MALRD1: variants seen among roughly 807,000 people sequenced by gnomAD.
MALRD1 encodes the protein MAM and LDL-receptor class A domain-containing protein 1.
MALRD1 carries 247 observed loss-of-function variants against 242.1 expected under a neutral mutation model. That is an observed-to-expected ratio of 1.02 (90% CI 0.92 to 1.13). MALRD1 has a LOEUF of 1.13. Among genes scored for constraint, MALRD1 ranks in the 50% most tolerant of loss-of-function variants. MALRD1 has a pLI of 0.00. For missense variants in MALRD1, 2,989 were observed against 2,533.1 expected (o/e 1.18, Z -3.86); for synonymous variants, 995 against 866.6 (o/e 1.15, Z -2.60).
At chr10:19,571,928 C>T (rs1000379413) in intron 33 of MALRD1, among the ~76,000 whole-genome samples, 5 of 152,212 alleles carry the variant, frequency 3.3e-5, no homozygotes, top group African/African-American at 9.6e-5. Context: ...TAACATCCTA[C>T]GATGAAAAAT....
chr10:19,055,664 C>T (rs934113078), intron 1 of MALRD1, among the ~76,000 whole-genome samples: 2 of 152,192 alleles, frequency 1.3e-5, no homozygotes. Context: ...AGGAGACCCT[C>T]CTTTCTCCCT....
intron 28 of MALRD1, among the ~76,000 whole-genome samples, chr10:19,408,551 T>C (rs969508783): frequency 1.3e-5 from 2 of 152,128 alleles, no homozygotes; most frequent in African/African-American, 2.4e-5. Flanking sequence ...AAGAAAATCA[T>C]ACATTAGTGA....
At chr10:19,669,198 G>C (rs1488383812) in intron 36 of MALRD1, among the ~76,000 whole-genome samples, 1 of 152,338 alleles carries the variant, frequency 6.6e-6, no homozygotes, top group East Asian at 1.9e-4. Context: ...CTAGAAGCTA[G>C]AAGTTAATGG....
rs549701941 is a variant in MALRD1 at position 19,478,466 on chromosome 10, C to T, written c.5030-13051C>T. On this transcript the variant is annotated intron_variant, in intron 29 of 39. Transcript: ENST00000454679. ...AGAAAATATTAATTAAGACTAAACACACAACGTATCTCATCAATCATGGTT... is the reference window on the plus strand; with the variant it reads ...AGAAAATATTAATTAAGACTAAACATACAACGTATCTCATCAATCATGGTT... Among the ~76,000 whole-genome samples the T allele has an allele frequency of 1.7e-3, 266 of 152,272 alleles. 2 individuals are homozygous for T. Among genetic ancestry groups the T allele is most frequent in the African/African-American group, 6.3e-3 (263 of 41,550 alleles).
At chr10:19,421,095 T>A (rs187687350) in intron 28 of MALRD1, among the ~76,000 whole-genome samples, 8 of 152,142 alleles carry the variant, frequency 5.3e-5, no homozygotes, top group African/African-American at 1.9e-4. Context: ...ATGGGAGAGA[T>A]CTTGCTCTGT....
chr10:19,246,610 A>G (rs1403721841), intron 18 of MALRD1, among the ~76,000 whole-genome samples: 1 of 152,140 alleles, frequency 6.6e-6, no homozygotes, highest in Non-Finnish European at 1.5e-5. Flanking sequence ...TCAGAGTACA[A>G]GAACAAAAAA....
At chr10:19,225,786 T>C (rs575622945) in intron 18 of MALRD1, among the ~76,000 whole-genome samples, 11 of 152,314 alleles carry the variant, frequency 7.2e-5, no homozygotes, top group Admixed American at 3.3e-4. Flanking sequence ...CTTTTTATTA[T>C]CATGTGCAGT....
rs1457386203 is a variant in MALRD1, at chr10:19,204,368, G to A, written c.2165G>A (p.Ser722Asn). Residue 722 changes from serine to asparagine, a missense_variant, in exon 16 of 40, where the codon AGC (serine) becomes AAC (asparagine). Coordinates refer to ENST00000454679, the MANE Select transcript of MALRD1 (RefSeq NM_001142308.3). ...TTGTGGCAAGTTGCTAAGCTTCAGA[G>A]CCCAACTTTCAGCCAGACAGGACCT... is the stretch of plus-strand genomic sequence containing the variant. Reference protein sequence around the residue: ...SSLWQVAKLQSPTFSQTGPGC... With the variant: ...SSLWQVAKLQNPTFSQTGPGC... 3.9e-6 allele frequency: 6 copies of A among 1,547,516 alleles called. No homozygotes were observed. In the Admixed American group the frequency reaches 9.8e-5, roughly 25 times the overall value.
intron 36 of MALRD1, among the ~76,000 whole-genome samples, chr10:19,666,638 A>T (rs1841695542): frequency 6.6e-6 from 1 of 152,118 alleles, no homozygotes; most frequent in African/African-American, 2.4e-5. Context: ...AATCATGTTT[A>T]TTGGGAAAAA....
chr10:19,134,156 C>G (rs527686401), intron 9 of MALRD1, among the ~76,000 whole-genome samples: 1 of 152,244 alleles, frequency 6.6e-6, no homozygotes, highest in South Asian at 2.1e-4. Context: ...TTGAGTGTCT[C>G]CACTCTCGTT....
intron 24 of MALRD1, among the ~76,000 whole-genome samples, chr10:19,340,625 A>T (rs1215491180): frequency 6.6e-6 from 1 of 152,172 alleles, no homozygotes; most frequent in Non-Finnish European, 1.5e-5. Flanking sequence ...TACTCTGCAT[A>T]GACTGGGAGG....
At chr10:19,711,122 T>A (rs1834091555) in intron 38 of MALRD1, 1 of 152,248 alleles carries the variant, frequency 6.6e-6, no homozygotes, top group South Asian at 2.1e-4. Flanking sequence ...ATAATTGCTT[T>A]CTTATCTTCC....
In MALRD1 at chr10:19,675,752, A is replaced by T. The variant is rs146559008; in HGVS notation, c.6138-16530A>T. The stretch of plus-strand genomic sequence containing the variant: ...TAATGCATATTTTCAGTAAATATTG[A>T]TGGACAAGCTTGTGCTAATTGCAGT... On this transcript the variant is annotated intron_variant, in intron 36 of 39. Coordinates refer to ENST00000454679, the MANE Select transcript of MALRD1 (RefSeq NM_001142308.3). 5.7e-3 allele frequency among the ~76,000 whole-genome samples: 872 copies of T among 152,342 alleles called. 4 individuals carry two copies. Among genetic ancestry groups the T allele is most frequent in the Middle Eastern group, 0.01 (3 of 294 alleles).
At chr10:19,067,104 C>T (rs542875706) in intron 2 of MALRD1, among the ~76,000 whole-genome samples, 6 of 152,058 alleles carry the variant, frequency 3.9e-5, no homozygotes, top group Non-Finnish European at 8.8e-5. Flanking sequence ...TAATTGGGTT[C>T]CTTGGATTCC....
intron 19 of MALRD1, among the ~76,000 whole-genome samples, chr10:19,261,452 A>C (rs1335050949): frequency 6.6e-6 from 1 of 151,972 alleles, no homozygotes; most frequent in Non-Finnish European, 1.5e-5. Flanking sequence ...TACGTAAAAA[A>C]AAAAAAAAAT....
chr10:19,552,625 C>T (rs1286961692), intron 32 of MALRD1, among the ~76,000 whole-genome samples: 2 of 151,722 alleles, frequency 1.3e-5, no homozygotes, highest in East Asian at 1.9e-4. Flanking sequence ...CACAACAGTA[C>T]GTGAATAATC....
intron 38 of MALRD1, among the ~76,000 whole-genome samples, chr10:19,729,306 C>A (rs1835178304): frequency 6.6e-6 from 1 of 152,232 alleles, no homozygotes. Flanking sequence ...TAAGAGCCCC[C>A]TTCTTGCTAC....
chr10:19,136,165 GTAATGACAACAC>G (rs58347411), intron 9 of MALRD1, among the ~76,000 whole-genome samples: 4,857 of 152,144 alleles, frequency 0.032, 240 homozygotes, highest in African/African-American at 0.11. Context: ...TGTTCTATAA[GTAATGACAACAC>G]TTCTTATTTT....
At chr10:19,673,544 C>T (rs879507979) in intron 36 of MALRD1, among the ~76,000 whole-genome samples, 5 of 152,082 alleles carry the variant, frequency 3.3e-5, no homozygotes, top group African/African-American at 4.8e-5. Flanking sequence ...ATAAATGACA[C>T]TGTTTTCAGA....
Sources: allele counts gnomAD v4.1 joint callset (sites outside exome capture counted in the v4.1 genomes callset), GRCh38; gene constraint gnomAD v4.1.1; transcripts MANE v1.5; gene names NCBI Gene and HGNC (gene_info 2026-07-23, HGNC 2026-07-21).